RASA2: variants seen among roughly 807,000 people sequenced by gnomAD.
The protein encoded by RASA2 is ras GTPase-activating protein 2.
A neutral mutation model predicts 118.2 loss-of-function variants in RASA2; 155 were observed. That is an observed-to-expected ratio of 1.31 (90% CI 1.15 to 1.50). The LOEUF is 1.50. Among genes scored for constraint, RASA2 ranks in the 40% most tolerant of loss-of-function variants. RASA2 has a pLI of 0.00. For synonymous variants in RASA2, 353 were observed against 349.1 expected (o/e 1.01, Z -0.12); for missense variants, 1,016 against 1,009.6 (o/e 1.01, Z -0.09).
chr3:141,505,411 A>C (rs74542566), intron 1 of RASA2, among the ~76,000 whole-genome samples: 4,666 of 152,096 alleles, frequency 0.031, 235 homozygotes, highest in African/African-American at 0.1. Flanking sequence ...ACATGACTAC[A>C]TAGGAATTGA....
rs1451512265 is a variant in RASA2 at position 141,577,063 on chromosome 3, C to T, written c.1547C>T (p.Ala516Val). ...GTATTTCTTCGTTTCTTTGCTGTAG[C>T]CGTAGTATCACCTCATACTTTTCAT... Reference protein sequence around the residue: ...SFVFLRFFAVAVVSPHTFHLR... With the variant: ...SFVFLRFFAVVVVSPHTFHLR... The change falls in exon 15 of 24, where the codon GCC (alanine) becomes GTC (valine). Residue 516 changes from alanine to valine, a missense_variant. Physicochemically the swap from Ala to Val is moderately conservative, Grantham distance 64. Transcript: ENST00000286364. 1 of 1,611,532 alleles carries T rather than the reference C, an allele frequency of 6.2e-7. No homozygotes were observed. The highest frequency in any genetic ancestry group is 8.5e-7 in the Non-Finnish European group (1 of 1,178,422).
chr3:141,488,820 T>C (rs1367722334), intron 1 of RASA2, among the ~76,000 whole-genome samples: 1 of 152,228 alleles, frequency 6.6e-6, no homozygotes, highest in Non-Finnish European at 1.5e-5. Flanking sequence ...TTTCCAGATT[T>C]TTACCACTTT....
intron 5 of RASA2, among the ~76,000 whole-genome samples, chr3:141,550,717 T>A (rs570437830): frequency 2.3e-4 from 35 of 152,346 alleles, no homozygotes; most frequent in African/African-American, 7.7e-4. Flanking sequence ...ATGAATCACA[T>A]TGCAAACTTA....
At chr3:141,606,564 C>G (rs2083552398) in intron 19 of RASA2, among the ~76,000 whole-genome samples, 1 of 152,030 alleles carries the variant, frequency 6.6e-6, no homozygotes, top group South Asian at 2.1e-4. Flanking sequence ...AGAACAGTGC[C>G]TGATATATAA....
intron 5 of RASA2, among the ~76,000 whole-genome samples, chr3:141,551,056 T>G (rs753117129): frequency 4.6e-5 from 7 of 152,252 alleles, no homozygotes; most frequent in Non-Finnish European, 7.3e-5. Context: ...TCATTTCTGA[T>G]TCTGTTTCTA....
intron 1 of RASA2, among the ~76,000 whole-genome samples, chr3:141,503,044 G>A (rs925677228): frequency 6.6e-6 from 1 of 152,096 alleles, no homozygotes; most frequent in Non-Finnish European, 1.5e-5. Context: ...CTTAATTTAT[G>A]AAAGGGAATA....
At chr3:141,529,932 A>G in intron 4 of RASA2, 130 bp downstream of exon 4, 3 of 685,612 alleles carry the variant, frequency 4.4e-6, no homozygotes, top group East Asian at 2.8e-5. Context: ...AATATTATAG[A>G]CTTTTGGGTA....
At chr3:141,578,495 C>T (rs1403832872) in intron 15 of RASA2, 1 of 152,040 alleles carries the variant, frequency 6.6e-6, no homozygotes, top group Non-Finnish European at 1.5e-5. Context: ...CCCATTTCTT[C>T]TCTCAACGGC....
intron 19 of RASA2, among the ~76,000 whole-genome samples, chr3:141,598,065 T>C (rs1191370171): frequency 1.3e-5 from 2 of 152,092 alleles, no homozygotes; most frequent in African/African-American, 4.8e-5. Context: ...AAATGTGTCC[T>C]AAAAAAGAAT....
intron 5 of RASA2, among the ~76,000 whole-genome samples, chr3:141,550,204 C>T (rs1005108631): frequency 1.3e-5 from 2 of 152,076 alleles, no homozygotes; most frequent in Admixed American, 6.5e-5. Context: ...TGATAGATGC[C>T]ACCTTAATTG....
At chr3:141,505,346 A>G (rs1349640696) in intron 1 of RASA2, among the ~76,000 whole-genome samples, 1 of 152,228 alleles carries the variant, frequency 6.6e-6, no homozygotes, top group Non-Finnish European at 1.5e-5. Context: ...GTACAAAACA[A>G]TATGATCACT....
chr3:141,576,102 C>T (rs773991366), intron 14 of RASA2, among the ~76,000 whole-genome samples: 19 of 152,158 alleles, frequency 1.2e-4, no homozygotes, highest in Non-Finnish European at 2.2e-4. Context: ...TATATACATG[C>T]AGATGTATCT....
intron 1 of RASA2, among the ~76,000 whole-genome samples, chr3:141,504,034 A>G (rs2081825797): frequency 1.3e-5 from 2 of 152,216 alleles, no homozygotes; most frequent in South Asian, 4.1e-4. Flanking sequence ...AGTTATATAC[A>G]CACGCATTGA....
At chr3:141,487,282 G>T in intron 1 of RASA2, 66 bp downstream of exon 1, 1 of 1,215,468 alleles carries the variant, frequency 8.2e-7, no homozygotes, top group Non-Finnish European at 1.0e-6. Flanking sequence ...GGGGCGGCGG[G>T]TTCGCGGCGG....
chr3:141,612,387 G>A lies in RASA2; in HGVS notation c.*74G>A. On this transcript the variant is annotated 3_prime_UTR_variant, in exon 24 of 24. Transcript: ENST00000286364. The stretch of plus-strand genomic sequence containing the variant: ...AGCTTTTCAATTCATCATGTATTTT[G>A]TTCATGGTATTTAAGAATGAGCATC... 2 of 1,264,836 alleles carry A rather than the reference G, an allele frequency of 1.6e-6. No individual in the cohort carries two copies. The highest frequency in any genetic ancestry group is 2.7e-5 in the South Asian group (2 of 73,072). 78.4% of individuals were successfully genotyped at this position (1,264,836 alleles called of 1,614,324 possible). A position where few individuals can be genotyped will look rare whatever the true frequency, so the allele number is the denominator to read the frequency against.
chr3:141,582,395 T>G (rs1358284787), intron 17 of RASA2, among the ~76,000 whole-genome samples: 1 of 152,246 alleles, frequency 6.6e-6, no homozygotes. Flanking sequence ...CAGACATTGT[T>G]GAAACATTTG....
chr3:141,591,914 T>C (rs138040330), intron 19 of RASA2, among the ~76,000 whole-genome samples: 3 of 151,354 alleles, frequency 2.0e-5, no homozygotes, highest in South Asian at 4.2e-4. Flanking sequence ...AAGAACAAAA[T>C]ACATCATTGA....
rs762912513 is a variant in RASA2 at position 141,571,062 on chromosome 3, T to C, written c.1014T>C (p.Asp338=). 2 of 1,597,454 alleles carry C rather than the reference T, an allele frequency of 1.3e-6. No individual in the cohort carries two copies. The highest frequency in any genetic ancestry group is 2.2e-5 in the East Asian group (1 of 44,546). The part of the protein sequence containing the change: ...PLKTLLLKSP[D]VQPISASAAY... ...AAACTTTGCTGCTAAAATCACCAGA[T>C]GTTCAAGTATGTTAAGAATCTTAAG... The change falls in exon 10 of 24, where the codon GAT becomes GAC. Residue 338 remains aspartate (D), a synonymous_variant. Coordinates refer to ENST00000286364, the MANE Select transcript of RASA2 (RefSeq NM_006506.5).
chr3:141,610,186 C>G (rs1196441200), intron 23 of RASA2, 120 bp downstream of exon 23: 1 of 807,446 alleles, frequency 1.2e-6, no homozygotes, highest in African/African-American at 1.8e-5. Flanking sequence ...CAGGGCCATT[C>G]TCTGGTGCAA....
Sources: gnomAD v4.1 joint callset for allele counts (sites outside exome capture counted in the v4.1 genomes callset) on GRCh38, gnomAD v4.1.1 for gene constraint, MANE v1.5 for transcripts, NCBI Gene and HGNC (gene_info 2026-07-23, HGNC 2026-07-21) for gene names.